PI16: variants seen among roughly 807,000 people sequenced by gnomAD.
PI16 encodes PSP94-binding protein.
Under a neutral mutation model 38.0 loss-of-function variants are expected in PI16, and 35 were observed. The ratio of observed to expected loss-of-function variants is 0.92; its 90% confidence interval spans 0.70 to 1.22. The LOEUF (loss-of-function observed/expected upper bound fraction) is 1.22. Ranked by LOEUF, PI16 falls within the 50% of genes most tolerant of loss-of-function variation. The pLI is 0.00. For synonymous variants in PI16, 275 were observed against 252.9 expected (o/e 1.09, Z -0.83); for missense variants, 572 against 593.8 (o/e 0.96, Z 0.38).
At position 36,962,003 on chromosome 6, in the gene PI16, A is replaced by G. The variant is rs1763380293; in HGVS notation, c.592+29A>G. 1 of 1,574,088 alleles carries G rather than the reference A, an allele frequency of 6.4e-7. No individual in the cohort carries two copies. ...AGTCCACGGGTGGATGGGTAGGGGC[A>G]GGGGGTGTGGAAATGATGCGATGCA... On this transcript the variant is annotated intron_variant, in intron 4 of 6. Coordinates refer to ENST00000373674, the MANE Select transcript of PI16 (RefSeq NM_153370.3). The surrounding 1 kb of genome is among the most constrained non-coding windows in gnomAD (Gnocchi z 4.1).
At chr6:36,961,749 C>A in intron 3 of PI16, 137 bp from the exon 4 acceptor site, 1 of 916,570 alleles carries the variant, frequency 1.1e-6, no homozygotes, top group East Asian at 2.5e-5. Flanking sequence ...AGGAGGAGCC[C>A]AAGTTCGCCC....
At chr6:36,955,111 A>G (rs1763169610) in intron 1 of PI16, among the ~76,000 whole-genome samples, 180 bp downstream of exon 1, 1 of 151,958 alleles carries the variant, frequency 6.6e-6, no homozygotes, top group South Asian at 2.1e-4. Context: ...AATGGCAAAA[A>G]CCACAATTAC....
chr6:36,955,010 C>T (rs1763167816), intron 1 of PI16, 79 bp downstream of exon 1: 1 of 1,475,582 alleles, frequency 6.8e-7, no homozygotes, highest in Non-Finnish European at 9.0e-7. Flanking sequence ...TCTTACCCTG[C>T]TCCTCATGCT....
intron 2 of PI16, among the ~76,000 whole-genome samples, chr6:36,961,168 G>A (rs940016944): frequency 1.3e-5 from 2 of 152,176 alleles, no homozygotes. Flanking sequence ...ATTAATGAGG[G>A]TATATCACAG....
At chr6:36,959,837 C>A (rs1235096672) in intron 2 of PI16, among the ~76,000 whole-genome samples, 3 of 149,330 alleles carry the variant, frequency 2.0e-5, no homozygotes, top group African/African-American at 7.4e-5. Flanking sequence ...CACTACACTC[C>A]AGCCTGGGCG....
chr6:36,961,386 G>A (rs1763361263), intron 2 of PI16, 65 bp from the exon 3 acceptor site: 2 of 1,388,636 alleles, frequency 1.4e-6, no homozygotes, highest in Non-Finnish European at 2.0e-6. Context: ...CAGGTGTAGT[G>A]GGATGCCAGG....
chr6:36,951,408 C>T (rs887742499), upstream of PI16, among the ~76,000 whole-genome samples: 2 of 152,100 alleles, frequency 1.3e-5, no homozygotes, highest in Admixed American at 1.3e-4. Context: ...TGCCACCATG[C>T]CCAGCTGATT....
chr6:36,961,380 T>A (rs1583236556), intron 2 of PI16, 71 bp from the exon 3 acceptor site: 2 of 1,305,424 alleles, frequency 1.5e-6, no homozygotes, highest in African/African-American at 2.9e-5. Context: ...GTAAGGCAGG[T>A]GTAGTGGGAT....
At position 36,964,798 on chromosome 6, in the gene PI16, C is replaced by T. The variant is rs1763470636; in HGVS notation, c.*431C>T. ...GGCAGGGACGAGGGAAGGAAAGTAA[C>T]TCCTGACTCTCCAATAAAAACCTGT... On this transcript the variant is annotated 3_prime_UTR_variant, in exon 7 of 7. Coordinates refer to ENST00000373674, the MANE Select transcript of PI16 (RefSeq NM_153370.3). 6.6e-6 allele frequency: 1 copy of T among 152,276 alleles called. No individual in the cohort carries two copies. Among genetic ancestry groups the T allele is most frequent in the Non-Finnish European group, 1.5e-5 (1 of 68,090 alleles). The allele number at this position is 152,276 out of a possible 1,614,324, so 9.4% of individuals were successfully genotyped here. A position where few individuals can be genotyped will look rare whatever the true frequency, so the allele number is the denominator to read the frequency against.
At chr6:36,959,815 T>TC (rs1190990808) in intron 2 of PI16, among the ~76,000 whole-genome samples, 8 of 149,162 alleles carry the variant, frequency 5.4e-5, no homozygotes, top group African/African-American at 2.0e-4. Context: ...CTGCAGTGAG[T>TC]CGTGATCACA....
chr6:36,962,882 A>G lies in PI16; in HGVS notation c.593-53A>G, dbSNP rs893918093. ...GTCACTTGGTTTGCAGTGCCATGAGAGATGTGGGGTCCTGCTTGCAGCACT... is the reference window on the plus strand; with the variant it reads ...GTCACTTGGTTTGCAGTGCCATGAGGGATGTGGGGTCCTGCTTGCAGCACT... On this transcript the variant is annotated intron_variant, in intron 4 of 6. Transcript: ENST00000373674. This position sits in a 1 kb window ranked among gnomAD's most constrained non-coding sequence, Gnocchi z 4.1. 6.8e-6 allele frequency: 10 copies of G among 1,479,164 alleles called. No homozygotes were observed. The African/African-American group carries it at 1.4e-4, about 21-fold the overall frequency. 91.6% of individuals were successfully genotyped at this position (1,479,164 alleles called of 1,614,324 possible). A position where few individuals can be genotyped will look rare whatever the true frequency, so the allele number is the denominator to read the frequency against.
chr6:36,959,867 CAAA>C lies in PI16; in HGVS notation c.393+517_393+519del, dbSNP rs3997728. Among the ~76,000 whole-genome samples the C allele has an allele frequency of 4.5e-3, 534 of 118,400 alleles. 1 individual carries two copies. Among genetic ancestry groups the C allele is most frequent in the Admixed American group, 9.0e-3 (110 of 12,186 alleles). The allele number at this position is 118,400 out of a possible 152,430, so 77.7% of individuals were successfully genotyped here. ...TGGGCGACAGAGGGAGGCCCTGTCT[CAAA>C]AAAAAAAAAAAAAAATTAAATAAAT... On this transcript the variant is annotated intron_variant, in intron 2 of 6. Coordinates refer to ENST00000373674, the MANE Select transcript of PI16 (RefSeq NM_153370.3).
chr6:36,963,548 C>T lies in PI16; in HGVS notation c.1206C>T (p.Pro402=). ...HTSSKSLPNF[P]NTSATANATG... ...CCTCCAAGTCCCTGCCCAATTTCCC[C>T]AATACCTCTGCCACCGCTAATGCCA... Residue 402 remains proline, a synonymous_variant, in exon 5 of 7, where the codon CCC becomes CCT. Transcript: ENST00000373674. 1 of 1,614,178 alleles carries T rather than the reference C, an allele frequency of 6.2e-7. No homozygotes were observed. Among genetic ancestry groups the T allele is most frequent in the Non-Finnish European group, 8.5e-7 (1 of 1,180,030 alleles).
chr6:36,963,649 C>T (rs1290487599), intron 5 of PI16, 37 bp downstream of exon 5: 2 of 1,596,522 alleles, frequency 1.3e-6, no homozygotes, highest in Non-Finnish European at 1.7e-6. Flanking sequence ...TTCCTCCTGG[C>T]TCTGGAATGT....
chr6:36,960,325 A>ATATGTGTGTG lies in PI16; in HGVS notation c.393+960_393+961insATGTGTGTGT, dbSNP rs758800895. On this transcript the variant is annotated intron_variant, in intron 2 of 6. Transcript: ENST00000373674. ...TTGAAAGTTTGGGCTTGCAGATAAG[A>ATATGTGTGTG]TGTGTGTGTGTGTGTGTGTGTGTGT... Among the ~76,000 whole-genome samples, 77 of 140,022 alleles carry ATATGTGTGTG rather than the reference A, an allele frequency of 5.5e-4. 1 individual carries two copies. Among genetic ancestry groups the ATATGTGTGTG allele is most frequent in the African/African-American group, 2.0e-3 (76 of 37,628 alleles). 91.9% of individuals were successfully genotyped at this position (140,022 alleles called of 152,430 possible). A position where few individuals can be genotyped will look rare whatever the true frequency, so the allele number is the denominator to read the frequency against.
At position 36,954,911 on chromosome 6, in the gene PI16, G is replaced by A. The variant is rs780797345; in HGVS notation, c.151G>A (p.Ala51Thr). ...CTACCGGGCCCAGGTATCCCCGACG[G>A]CCTCAGACATGCTGCACATGGTAAG... ...NLYRAQVSPT[A>T]SDMLHMRWDE... Residue 51 changes from alanine to threonine, a missense_variant, in exon 1 of 7, where the codon GCC becomes ACC. Coordinates refer to ENST00000373674, the MANE Select transcript of PI16 (RefSeq NM_153370.3). 6.2e-7 allele frequency: 1 copy of A among 1,613,256 alleles called. No individual in the cohort carries two copies. Among genetic ancestry groups the A allele is most frequent in the Non-Finnish European group, 8.5e-7 (1 of 1,179,968 alleles).
At position 36,963,590 on chromosome 6, in the gene PI16, G is replaced by A. The variant is rs1763434663; in HGVS notation, c.1248G>A (p.Leu416=). The A allele has an allele frequency of 6.2e-7, 1 of 1,613,942 alleles. No homozygotes were observed. Among genetic ancestry groups the A allele is most frequent in the Non-Finnish European group, 8.5e-7 (1 of 1,179,932 alleles). Residue 416 remains leucine (L), a synonymous_variant, in exon 5 of 7, where the codon CTG becomes CTA. Coordinates refer to ENST00000373674, the MANE Select transcript of PI16 (RefSeq NM_153370.3). Reference sequence around the variant, plus strand: ...CTAATGCCACGGGTGGGCGTGCCCTGGCTCTGCAGTCGTCCTTGCCAGGTA... The same window carrying A: ...CTAATGCCACGGGTGGGCGTGCCCTAGCTCTGCAGTCGTCCTTGCCAGGTA... The part of the protein sequence containing the change: ...ATANATGGRA[L]ALQSSLPGAE...
upstream of PI16, among the ~76,000 whole-genome samples, chr6:36,952,881 C>A (rs1174246619): frequency 6.6e-6 from 1 of 152,130 alleles, no homozygotes; most frequent in Non-Finnish European, 1.5e-5. Context: ...CTGTAGATTG[C>A]TTCAGGCAAC....
At chr6:36,953,354 T>C (rs1055669968), upstream of PI16, among the ~76,000 whole-genome samples, 10 of 152,032 alleles carry the variant, frequency 6.6e-5, no homozygotes, top group Middle Eastern at 6.8e-3. Context: ...AAAAAAAGTT[T>C]ATTGGTAAGA....
Sources: allele counts gnomAD v4.1 joint callset (sites outside exome capture counted in the v4.1 genomes callset), GRCh38; gene constraint gnomAD v4.1.1; non-coding constraint Gnocchi (gnomAD v3.1); transcripts MANE v1.5; gene names NCBI Gene and HGNC (gene_info 2026-07-23, HGNC 2026-07-21).